TAOK2: variants seen among roughly 807,000 people sequenced by gnomAD.
TAOK2 encodes the protein serine/threonine-protein kinase TAO2.
TAOK2 carries 42 observed loss-of-function variants against 122.5 expected under a neutral mutation model. That is an observed-to-expected ratio of 0.34 (90% CI 0.27 to 0.44). The LOEUF (loss-of-function observed/expected upper bound fraction) is 0.44, where lower values mean the gene tolerates loss of function less well. Ranked by LOEUF, TAOK2 falls within the 20% of genes least tolerant of loss-of-function variation. The pLI is 1.00. For synonymous variants in TAOK2, 704 were observed against 677.6 expected, an observed-to-expected ratio of 1.04 and a Z score of -0.61; for missense variants, 1,264 against 1,644.9, an observed-to-expected ratio of 0.77 and a Z score of 4.01.
At chr16:29,984,798 G>A (rs2069730698) in intron 13 of TAOK2, among the ~76,000 whole-genome samples, 1 of 152,110 alleles carries the variant, frequency 6.6e-6, no homozygotes, top group South Asian at 2.1e-4. Flanking sequence ...GATAGAGTCC[G>A]AACTTACCCC....
downstream of TAOK2, chr16:29,991,865 T>G: frequency 1.6e-5 from 5 of 313,350 alleles, no homozygotes; most frequent in Admixed American, 9.9e-5. This position sits in a 1 kb window ranked among gnomAD's most constrained non-coding sequence, Gnocchi z 5.6. Context: ...TCTAGTCCCC[T>G]GGGGGAGGGG....
chr16:29,990,653 A>G, downstream of TAOK2: 1 of 845,980 alleles, frequency 1.2e-6, no homozygotes, highest in Non-Finnish European at 1.8e-6. Context: ...ACAGGGTATG[A>G]CCATCTTCCA....
chr16:29,979,130 G>C lies in TAOK2; in HGVS notation c.449+60G>C. The C allele has an allele frequency of 1.2e-6, 2 of 1,613,234 alleles. No homozygotes were observed. The highest frequency in any genetic ancestry group is 1.7e-6 in the Non-Finnish European group (2 of 1,179,212). ...TGCTATCTGCACCACCTGTCACTTAGCTGGGCTGCCCCTGCCTAGCTTTCT... is the reference window on the plus strand; with the variant it reads ...TGCTATCTGCACCACCTGTCACTTACCTGGGCTGCCCCTGCCTAGCTTTCT... On this transcript the variant is annotated intron_variant, in intron 6 of 15. Transcript: ENST00000308893. The surrounding 1 kb of genome is among the most constrained non-coding windows in gnomAD (Gnocchi z 4.1).
chr16:29,987,451 T>C lies in TAOK2; in HGVS notation c.3179T>C (p.Leu1060Pro). 1 of 1,597,594 alleles carries C rather than the reference T, an allele frequency of 6.3e-7. No homozygotes were observed. The highest frequency in any genetic ancestry group is 8.5e-7 in the Non-Finnish European group (1 of 1,169,812). The change falls in exon 16 of 16, where the codon CTG becomes CCG. Residue 1060 changes from leucine (L) to proline (P), a missense_variant. Coordinates refer to ENST00000308893, the MANE Select transcript of TAOK2 (RefSeq NM_016151.4). ...GCTTGGCCAGGCCTAGCTCTACCTCTGGTGGCTATGGCAGCGGGGGGCAGA... is the reference window on the plus strand; with the variant it reads ...GCTTGGCCAGGCCTAGCTCTACCTCCGGTGGCTATGGCAGCGGGGGGCAGA... ...LLAWPGLALP[L>P]VAMAAGGRWV...
In TAOK2 at chr16:29,983,489, C is replaced by T. The variant is rs375049514; in HGVS notation, c.1261-14C>T. ...GGCCTCTGAGCCTTGGGTGTTCCTT[C>T]TATCTCCCTCTAGGGCTCTGACAAC... On this transcript the variant is annotated splice_polypyrimidine_tract_variant and intron_variant, in intron 12 of 15. Coordinates refer to ENST00000308893, the MANE Select transcript of TAOK2 (RefSeq NM_016151.4). The T allele has an allele frequency of 3.1e-6, 5 of 1,598,250 alleles. No individual in the cohort carries two copies. The highest frequency in any genetic ancestry group is 1.1e-5 in the South Asian group (1 of 89,998).
intron 8 of TAOK2, 29 bp from the exon 9 acceptor site, chr16:29,981,632 A>C: frequency 6.2e-7 from 1 of 1,609,688 alleles, no homozygotes; most frequent in Non-Finnish European, 8.5e-7. Flanking sequence ...GCCACCTCTC[A>C]CCTTCTTCCC....
intron 1 of TAOK2, among the ~76,000 whole-genome samples, chr16:29,976,431 T>G: frequency 6.6e-6 from 1 of 152,182 alleles, no homozygotes; most frequent in East Asian, 1.9e-4. Flanking sequence ...GAGACAAAAT[T>G]AACAACACAA....
chr16:29,980,014 G>C (rs1254201474), intron 8 of TAOK2, among the ~76,000 whole-genome samples: 2 of 152,186 alleles, frequency 1.3e-5, no homozygotes, highest in Non-Finnish European at 2.9e-5. Context: ...CAGAATGTAG[G>C]GAAGAGCTTT....
At position 29,985,878 on chromosome 16, in the gene TAOK2, C is replaced by T; in HGVS notation, c.1992+17C>T. On this transcript the variant is annotated intron_variant, in intron 15 of 15. Transcript: ENST00000308893. The surrounding 1 kb of genome is among the most constrained non-coding windows in gnomAD (Gnocchi z 6.9). ...CTGCGGGAGGTAGGCATCCCAATCTCTGTTCCCCTCCCGCTCACTCGTGGA... is the reference window on the plus strand; with the variant it reads ...CTGCGGGAGGTAGGCATCCCAATCTTTGTTCCCCTCCCGCTCACTCGTGGA... 6.2e-7 allele frequency: 1 copy of T among 1,609,048 alleles called. No homozygotes were observed. The highest frequency in any genetic ancestry group is 2.2e-5 in the East Asian group (1 of 44,792).
downstream of TAOK2, chr16:29,989,510 G>T: frequency 1.9e-6 from 3 of 1,592,446 alleles, 1 homozygote; most frequent in South Asian, 2.3e-5. Flanking sequence ...ATTTCCCCTG[G>T]TTGTTCCTCC....
Position 29,977,806 on chromosome 16 carries a change from G to A in TAOK2, c.34G>A (p.Asp12Asn). Residue 12 changes from aspartate (D) to asparagine (N), a missense_variant, in exon 2 of 16, where the codon GAC becomes AAC. Asp to Asn is a conservative substitution (Grantham distance 23, BLOSUM62 1). Transcript: ENST00000308893. ...TGGGGGCCGGGCCGGGAGCCTGAAG[G>A]ACCCAGATGTGGCTGAGCTCTTCTT... is the stretch of plus-strand genomic sequence containing the variant. ...PAGGRAGSLK[D>N]PDVAELFFKD... is the part of the protein sequence containing the mutation. The A allele has an allele frequency of 1.9e-6, 3 of 1,614,178 alleles. No homozygotes were observed. Among genetic ancestry groups the A allele is most frequent in the Non-Finnish European group, 2.5e-6 (3 of 1,180,006 alleles).
intron 4 of TAOK2, 40 bp from the exon 5 acceptor site, chr16:29,978,759 C>G: frequency 6.2e-7 from 1 of 1,612,284 alleles, no homozygotes; most frequent in Non-Finnish European, 8.5e-7. Flanking sequence ...TGAGTCCCTG[C>G]CCAGGAGACT....
rs756975773 is a variant in TAOK2 at position 29,986,335 on chromosome 16, G to A, written c.2063G>A (p.Arg688Gln). 1.1e-5 allele frequency: 18 copies of A among 1,577,220 alleles called. No homozygotes were observed. The highest frequency in any genetic ancestry group is 5.4e-5 in the African/African-American group (4 of 73,544). The change falls in exon 16 of 16, where the codon CGG becomes CAG. Residue 688 changes from arginine to glutamine, a missense_variant. Arg to Gln is a conservative substitution (Grantham distance 43). This residue lies in a region of TAOK2 where 824 missense variants were observed against 908.7 expected (regional missense o/e 0.91). Coordinates refer to ENST00000308893, the MANE Select transcript of TAOK2 (RefSeq NM_016151.4). This position sits in a 1 kb window ranked among gnomAD's most constrained non-coding sequence, Gnocchi z 4.2. ...CTGCTTCGGCAGCACGAGGCCACGCGGGAGCTGGAGCTGCGGCAGCTCCAG... is the reference window on the plus strand; with the variant it reads ...CTGCTTCGGCAGCACGAGGCCACGCAGGAGCTGGAGCTGCGGCAGCTCCAG... Reference protein sequence around the residue: ...ALLLRQHEATRELELRQLQAV... With the variant: ...ALLLRQHEATQELELRQLQAV...
downstream of TAOK2, chr16:29,989,998 G>A (rs944485949): frequency 4.9e-6 from 3 of 606,316 alleles, no homozygotes; most frequent in Admixed American, 6.1e-5. Flanking sequence ...CTTTCTCTTA[G>A]TATTTTCTTA....
At chr16:29,981,589 G>T (rs1056184202) in intron 8 of TAOK2, 72 bp from the exon 9 acceptor site, 1 of 1,437,056 alleles carries the variant, frequency 7.0e-7, no homozygotes, top group South Asian at 1.2e-5. Context: ...AACCCAAGTC[G>T]TCTCAGTTCC....
chr16:29,976,322 G>A (rs2069452151), intron 1 of TAOK2, among the ~76,000 whole-genome samples: 1 of 152,162 alleles, frequency 6.6e-6, no homozygotes, highest in Admixed American at 6.5e-5. Context: ...TGAGCAGAGA[G>A]CAATCACTCA....
rs773106248 is a variant in TAOK2, at chr16:29,987,227, G to T, written c.2955G>T (p.Leu985=). The part of the protein sequence containing the change: ...PLLAAQGGGG[L]QAALLALEVG... The stretch of plus-strand genomic sequence containing the variant: ...TGGCAGCCCAGGGTGGGGGTGGCCT[G>T]CAGGCAGCGCTGCTGGCCCTTGAGG... Residue 985 remains leucine, a synonymous_variant, in exon 16 of 16, where the codon CTG becomes CTT. Transcript: ENST00000308893. The T allele has an allele frequency of 7.8e-6, 12 of 1,541,072 alleles. No homozygotes were observed. In the Admixed American group the frequency reaches 2.1e-4, roughly 27 times the overall value.
chr16:29,978,401 C>T (rs777054585), intron 4 of TAOK2, 48 bp downstream of exon 4: 5 of 1,570,276 alleles, frequency 3.2e-6, no homozygotes, highest in South Asian at 1.1e-5. Flanking sequence ...TATTCATGCC[C>T]GTCCTTATCG....
rs772164234 is a variant in TAOK2 at position 29,987,974 on chromosome 16, G to A, written c.3702G>A (p.Trp1234Ter). ...RTRQSRALPPWR is the reference protein window; with the variant it reads ...RTRQSRALPP The stretch of plus-strand genomic sequence containing the variant: ...GCCAGTCCCGGGCCCTGCCCCCCTG[G>A]AGGTAGCTGACTCCAGCCCTTCCAG... The change falls in exon 16 of 16, where the codon TGG (tryptophan) becomes TGA (stop). Residue 1234 changes from tryptophan to a stop codon, truncating the protein, a stop_gained. Coordinates refer to ENST00000308893, the MANE Select transcript of TAOK2 (RefSeq NM_016151.4). LOFTEE classifies it high-confidence loss of function. 1 of 1,527,858 alleles carries A rather than the reference G, an allele frequency of 6.5e-7. No individual in the cohort carries two copies. The allele number at this position is 1,527,858 out of a possible 1,614,324, so 94.6% of individuals were successfully genotyped here.
Sources: gnomAD v4.1 joint callset for allele counts (sites outside exome capture counted in the v4.1 genomes callset) on GRCh38, gnomAD v4.1.1 for gene constraint, gnomAD v4.1.1 regional missense constraint, Gnocchi (gnomAD v3.1) non-coding constraint, MANE v1.5 for transcripts, NCBI Gene and HGNC (gene_info 2026-07-23, HGNC 2026-07-21) for gene names.